The following RANBP10 variants were observed in gnomAD, a reference collection of about 807,000 sequenced individuals.
RANBP10 encodes the protein RAN binding protein 10.
In RANBP10, 24 loss-of-function variants were observed where a neutral mutation model predicts 72.8. The observed-to-expected ratio is 0.33, with a 90% CI of 0.24 to 0.46. The LOEUF is 0.46. Among genes scored for constraint, RANBP10 ranks in the 20% least tolerant of loss-of-function variants. The pLI, the probability that RANBP10 is intolerant of heterozygous loss-of-function variation, is 1.00. For synonymous variants in RANBP10, 310 were observed against 322.3 expected (o/e 0.96, Z 0.41); for missense variants, 679 against 817.5 (o/e 0.83, Z 2.07).
intron 2 of RANBP10, among the ~76,000 whole-genome samples, chr16:67,785,206 G>A (rs1309163144): frequency 2.6e-5 from 4 of 150,966 alleles, no homozygotes; most frequent in South Asian, 2.1e-4. Context: ...ATCGAGAGTC[G>A]GTCTCAAAAA....
chr16:67,803,769 C>T (rs2055279113), intron 2 of RANBP10, among the ~76,000 whole-genome samples: 1 of 145,932 alleles, frequency 6.9e-6, no homozygotes, highest in Admixed American at 7.1e-5. Flanking sequence ...CTGCAGTGAG[C>T]TGTGATTGTG....
intron 3 of RANBP10, among the ~76,000 whole-genome samples, chr16:67,757,390 T>C (rs530097880): frequency 1.9e-4 from 29 of 152,298 alleles, no homozygotes; most frequent in South Asian, 4.1e-4. Context: ...AATCTAACCC[T>C]TGCAGCGCCA....
chr16:67,740,195 C>T (rs1567680414), intron 4 of RANBP10, among the ~76,000 whole-genome samples: 3 of 151,730 alleles, frequency 2.0e-5, no homozygotes, highest in Middle Eastern at 3.4e-3. Context: ...CTCCGCCTCC[C>T]GGGTTCACGC....
At chr16:67,786,355 TAA>T (rs2054917655) in intron 2 of RANBP10, among the ~76,000 whole-genome samples, 1 of 151,698 alleles carries the variant, frequency 6.6e-6, no homozygotes, top group African/African-American at 2.4e-5. Flanking sequence ...AAATAAAAAA[TAA>T]GAGAGTGAAA....
chr16:67,749,498 C>T (rs1032194166), intron 3 of RANBP10, among the ~76,000 whole-genome samples: 1 of 152,196 alleles, frequency 6.6e-6, no homozygotes, highest in African/African-American at 2.4e-5. Context: ...TACCTGGATC[C>T]AGGCTCTATT....
intron 3 of RANBP10, among the ~76,000 whole-genome samples, chr16:67,754,305 G>C (rs151011677): frequency 6.6e-6 from 1 of 152,166 alleles, no homozygotes; most frequent in Non-Finnish European, 1.5e-5. Context: ...TAGAAAGTCC[G>C]TGATGGGGAA....
At chr16:67,732,243 T>G (rs780855243) in intron 6 of RANBP10, among the ~76,000 whole-genome samples, 1 of 152,138 alleles carries the variant, frequency 6.6e-6, no homozygotes, top group Non-Finnish European at 1.5e-5. Flanking sequence ...CAGGCAGAGA[T>G]AGGCAGCAGC....
At chr16:67,799,092 C>T (rs1422139868) in intron 2 of RANBP10, among the ~76,000 whole-genome samples, 3 of 151,154 alleles carry the variant, frequency 2.0e-5, no homozygotes, top group African/African-American at 4.9e-5. Context: ...CTATTATTAG[C>T]GCCTGGCTAA....
chr16:67,780,158 G>A (rs1432033118), intron 2 of RANBP10, among the ~76,000 whole-genome samples: 2 of 152,150 alleles, frequency 1.3e-5, no homozygotes, highest in African/African-American at 4.8e-5. Flanking sequence ...CTTGAACCCG[G>A]GAGGCGGAGA....
intron 3 of RANBP10, 117 bp downstream of exon 3, chr16:67,771,917 G>A (rs1439918580): frequency 2.4e-5 from 29 of 1,203,196 alleles, no homozygotes; most frequent in Non-Finnish European, 3.4e-5. Context: ...CAGTAGCATG[G>A]CTTGAGGTAG....
intron 2 of RANBP10, among the ~76,000 whole-genome samples, chr16:67,778,139 C>T (rs962990693): frequency 1.3e-5 from 2 of 152,140 alleles, no homozygotes; most frequent in Admixed American, 1.3e-4. Context: ...CACCTGAGGT[C>T]GGGAGTTCAA....
At chr16:67,778,314 A>C (rs1313170574) in intron 2 of RANBP10, among the ~76,000 whole-genome samples, 1 of 151,982 alleles carries the variant, frequency 6.6e-6, no homozygotes, top group East Asian at 1.9e-4. Flanking sequence ...GCGCCACTGC[A>C]CTCCAGCCCA....
At chr16:67,781,649 C>T (rs934584759) in intron 2 of RANBP10, among the ~76,000 whole-genome samples, 1 of 152,158 alleles carries the variant, frequency 6.6e-6, no homozygotes, top group African/African-American at 2.4e-5. Flanking sequence ...CACAGAGAGG[C>T]AACAGACAAG....
chr16:67,729,194 A>C lies in RANBP10; in HGVS notation c.1352+86T>G. ...GACCTGAGATGGAGGCTGGGGGTGA[A>C]GGGCAGGGCGCTCAAAGGACAGACT... On this transcript the variant is annotated intron_variant, in intron 10 of 13. Coordinates refer to ENST00000317506, the MANE Select transcript of RANBP10 (RefSeq NM_020850.3). The surrounding 1 kb of genome is among the most constrained non-coding windows in gnomAD (Gnocchi z 7.1). 1 of 1,546,890 alleles carries C rather than the reference A, an allele frequency of 6.5e-7. No homozygotes were observed. Among genetic ancestry groups the C allele is most frequent in the Non-Finnish European group, 8.7e-7 (1 of 1,146,680 alleles).
rs1008033367 is a variant in RANBP10, at chr16:67,727,561, G to A, written c.1621-123C>T. 56 of 1,310,366 alleles carry A rather than the reference G, an allele frequency of 4.3e-5. No homozygotes were observed. The Middle Eastern group carries it at 9.3e-4, about 22-fold the overall frequency. The allele number at this position is 1,310,366 out of a possible 1,614,324, so 81.2% of individuals were successfully genotyped here. On this transcript the variant is annotated intron_variant, in intron 12 of 13. Coordinates refer to ENST00000317506, the MANE Select transcript of RANBP10 (RefSeq NM_020850.3). Reference sequence around the variant, plus strand: ...AGCCTGGAATGTGGGGTGTAGGGTCGGGCAGGGCTGTACTCTCCCCAGAGC... The same window carrying A: ...AGCCTGGAATGTGGGGTGTAGGGTCAGGCAGGGCTGTACTCTCCCCAGAGC...
intron 3 of RANBP10, among the ~76,000 whole-genome samples, chr16:67,751,207 T>C (rs1266148955): frequency 1.3e-5 from 2 of 152,254 alleles, no homozygotes; most frequent in Admixed American, 6.5e-5. Context: ...GGAGATATTT[T>C]TGTCTCAGTG....
intron 3 of RANBP10, among the ~76,000 whole-genome samples, chr16:67,769,305 G>A (rs577868798): frequency 2.0e-5 from 3 of 151,706 alleles, no homozygotes; most frequent in South Asian, 2.1e-4. Context: ...CTAGCTGGGC[G>A]TGGTGGCATG....
At chr16:67,768,712 T>C (rs975748048) in intron 3 of RANBP10, among the ~76,000 whole-genome samples, 2 of 152,090 alleles carry the variant, frequency 1.3e-5, no homozygotes, top group African/African-American at 4.8e-5. Flanking sequence ...TGAGACCCTG[T>C]CTTTAAATAA....
In RANBP10 at chr16:67,729,842, G is replaced by T; in HGVS notation, c.999-14C>A. On this transcript the variant is annotated splice_polypyrimidine_tract_variant and intron_variant, in intron 8 of 13. Coordinates refer to ENST00000317506, the MANE Select transcript of RANBP10 (RefSeq NM_020850.3). This position sits in a 1 kb window ranked among gnomAD's most constrained non-coding sequence, Gnocchi z 7.1. ...AACTGCCGGCACCTGTGGAGGGAGC[G>T]GAGCAATAATGCTCTGGTTGTGGTC... The T allele has an allele frequency of 1.2e-6, 2 of 1,613,562 alleles. No homozygotes were observed. The highest frequency in any genetic ancestry group is 2.7e-5 in the African/African-American group (2 of 75,038).
Sources: allele counts gnomAD v4.1 joint callset (sites outside exome capture counted in the v4.1 genomes callset), GRCh38; gene constraint gnomAD v4.1.1; non-coding constraint Gnocchi (gnomAD v3.1); transcripts MANE v1.5; gene names NCBI Gene and HGNC (gene_info 2026-07-23, HGNC 2026-07-21).